Variants in CDH13 observed in about 807,000 individuals in gnomAD.
CDH13 encodes cadherin 13.
A neutral mutation model predicts 63.8 loss-of-function variants in CDH13; 24 were observed. The observed-to-expected ratio is 0.38, with a 90% CI of 0.27 to 0.53. The LOEUF (loss-of-function observed/expected upper bound fraction) is 0.53, where lower values mean the gene tolerates loss of function less well. Among genes scored for constraint, CDH13 ranks in the 20% least tolerant of loss-of-function variants. The pLI, the probability that CDH13 is intolerant of heterozygous loss-of-function variation, is 0.85. For missense variants in CDH13, 1,049 were observed against 903.1 expected (o/e 1.16, Z -2.07); for synonymous variants, 503 against 355.3 (o/e 1.42, Z -4.67).
chr16:82,964,631 C>A (rs1182921970), intron 2 of CDH13, among the ~76,000 whole-genome samples: 2 of 152,204 alleles, frequency 1.3e-5, no homozygotes, highest in Admixed American at 1.3e-4. Context: ...CAACTTATAA[C>A]ACTTCTTCAT....
At chr16:83,120,822 G>C (rs149480248) in intron 3 of CDH13, among the ~76,000 whole-genome samples, 2,763 of 140,642 alleles carry the variant, frequency 0.02, 41 homozygotes, top group Non-Finnish European at 0.032. Context: ...GGAGTACAGT[G>C]GCGCGATCTC....
intron 8 of CDH13, among the ~76,000 whole-genome samples, chr16:83,634,705 T>C (rs971267360): frequency 4.6e-5 from 7 of 152,140 alleles, no homozygotes; most frequent in African/African-American, 1.7e-4. Context: ...CTGGCTGAGA[T>C]GAGCTCTTTT....
At chr16:83,029,762 T>C (rs1040090576) in intron 2 of CDH13, among the ~76,000 whole-genome samples, 1 of 152,150 alleles carries the variant, frequency 6.6e-6, no homozygotes, top group Non-Finnish European at 1.5e-5. Flanking sequence ...TAATGTGTCA[T>C]GTTATGGCCT....
chr16:83,779,040 G>T (rs1915319444), intron 11 of CDH13, among the ~76,000 whole-genome samples: 1 of 152,196 alleles, frequency 6.6e-6, no homozygotes, highest in Non-Finnish European at 1.5e-5. Flanking sequence ...TTCAGTGTGT[G>T]AGAATGACTT....
chr16:83,184,883 G>A (rs1006195297), intron 4 of CDH13, among the ~76,000 whole-genome samples: 7 of 108,970 alleles, frequency 6.4e-5, no homozygotes, highest in East Asian at 5.0e-4. Context: ...TGTCTAAGCC[G>A]TGTGTGTGTG....
chr16:83,268,396 A>G (rs2088689948), intron 5 of CDH13, among the ~76,000 whole-genome samples: 2 of 152,314 alleles, frequency 1.3e-5, no homozygotes, highest in Admixed American at 6.5e-5. Flanking sequence ...AGTTGGCTCA[A>G]GCATTTCAGG....
intron 4 of CDH13, among the ~76,000 whole-genome samples, chr16:83,184,914 T>C (rs913627543): frequency 6.7e-6 from 1 of 149,720 alleles, no homozygotes; most frequent in Non-Finnish European, 1.5e-5. Context: ...TGTGCGTGTG[T>C]GTGTGTAGTA....
At chr16:83,298,047 C>CAAAAAAAAAAAAAAAGAAA (rs2089643710) in intron 5 of CDH13, among the ~76,000 whole-genome samples, 1 of 99,772 alleles carries the variant, frequency 1.0e-5, no homozygotes, top group Non-Finnish European at 2.1e-5. Flanking sequence ...CTTGTTTCTA[C>CAAAAAAAAAAAAAAAGAAA]AAAAAAAAAA....
At chr16:83,113,772 A>C (rs2035174410) in intron 3 of CDH13, among the ~76,000 whole-genome samples, 1 of 152,182 alleles carries the variant, frequency 6.6e-6, no homozygotes, top group Non-Finnish European at 1.5e-5. Flanking sequence ...ACAAGGTGAG[A>C]AGCCCTCAGA....
At chr16:83,492,847 A>C (rs2074045862) in intron 7 of CDH13, among the ~76,000 whole-genome samples, 1 of 152,158 alleles carries the variant, frequency 6.6e-6, no homozygotes, top group Admixed American at 6.5e-5. Context: ...GATGAGTCTC[A>C]GGACTCCACT....
At chr16:83,052,277 C>T (rs2151506921) in intron 3 of CDH13, among the ~76,000 whole-genome samples, 1 of 152,232 alleles carries the variant, frequency 6.6e-6, no homozygotes, top group Admixed American at 6.5e-5. Flanking sequence ...TGTTATAAAT[C>T]CAGACTGTCA....
At chr16:83,216,604 G>T (rs958495729) in intron 4 of CDH13, among the ~76,000 whole-genome samples, 3 of 139,058 alleles carry the variant, frequency 2.2e-5, no homozygotes, top group Non-Finnish European at 3.1e-5. Flanking sequence ...TAATACATAG[G>T]GGTTTAATAT....
chr16:83,030,349 C>T (rs1411541610), intron 2 of CDH13, among the ~76,000 whole-genome samples: 3 of 152,060 alleles, frequency 2.0e-5, no homozygotes, highest in African/African-American at 4.8e-5. Flanking sequence ...TGTATTGGGT[C>T]CTCTGGATTC....
Position 82,877,918 on chromosome 16 carries a change from C to T in CDH13, c.157+19445C>T, listed in dbSNP as rs1482258545. ...AGAGGAAGGTGGAAATACATACATA[C>T]ACATAGACACACACACACACACACA... On this transcript the variant is annotated intron_variant, in intron 2 of 13. Transcript: ENST00000567109. Among the ~76,000 whole-genome samples, 4 of 114,542 alleles carry T rather than the reference C, an allele frequency of 3.5e-5. No individual in the cohort carries two copies. The East Asian group carries it at 1.0e-3, about 29-fold the overall frequency. 75.1% of individuals were successfully genotyped at this position (114,542 alleles called of 152,430 possible). A position where few individuals can be genotyped will look rare whatever the true frequency, so the allele number is the denominator to read the frequency against.
intron 2 of CDH13, among the ~76,000 whole-genome samples, chr16:83,004,099 C>T (rs533970890): frequency 6.6e-6 from 1 of 152,180 alleles, no homozygotes; most frequent in Admixed American, 6.5e-5. Flanking sequence ...AGGAAATTTT[C>T]TTGGGTTAAT....
chr16:83,709,060 A>T (rs1273787864), intron 10 of CDH13, among the ~76,000 whole-genome samples: 1 of 152,124 alleles, frequency 6.6e-6, no homozygotes, highest in Non-Finnish European at 1.5e-5. Flanking sequence ...TAAATTAAAA[A>T]ATTAAAATGG....
intron 6 of CDH13, among the ~76,000 whole-genome samples, chr16:83,453,969 G>C (rs909265183): frequency 6.6e-6 from 1 of 152,200 alleles, no homozygotes; most frequent in Admixed American, 6.5e-5. Context: ...TGTGCACGCA[G>C]GCACCCTCTG....
intron 2 of CDH13, among the ~76,000 whole-genome samples, chr16:83,031,410 G>GCATACACGTATATGGTA (rs1402907113): frequency 6.8e-6 from 1 of 146,532 alleles, no homozygotes; most frequent in African/African-American, 2.5e-5. Context: ...ACATGTATAT[G>GCATACACGTATATGGTA]TATACACGTA....
intron 3 of CDH13, among the ~76,000 whole-genome samples, chr16:83,073,789 T>G (rs1054084821): frequency 2.6e-4 from 40 of 152,220 alleles, no homozygotes; most frequent in Non-Finnish European, 4.7e-4. Flanking sequence ...AGTATGTATA[T>G]GTAATATATA....
Sources: allele counts gnomAD v4.1 joint callset (sites outside exome capture counted in the v4.1 genomes callset), GRCh38; gene constraint gnomAD v4.1.1; transcripts MANE v1.5; gene names NCBI Gene and HGNC (gene_info 2026-07-23, HGNC 2026-07-21).